Variants in GRK5 observed in about 807,000 individuals in gnomAD.
GRK5 encodes G protein-coupled receptor kinase 5.
In GRK5, 40 loss-of-function variants were observed where a neutral mutation model predicts 78.4. That is an observed-to-expected ratio of 0.51 (90% CI 0.40 to 0.66). The LOEUF (loss-of-function observed/expected upper bound fraction) is 0.66. Ranked by LOEUF, GRK5 falls within the 30% of genes least tolerant of loss-of-function variation. The pLI, the probability that GRK5 is intolerant of heterozygous loss-of-function variation, is 0.00. For missense variants in GRK5, 598 were observed against 759.9 expected, an observed-to-expected ratio of 0.79 and a Z score of 2.50; for synonymous variants, 289 against 296.8, an observed-to-expected ratio of 0.97 and a Z score of 0.27.
chr10:119,268,758 A>G lies in GRK5; in HGVS notation c.53-57758A>G, dbSNP rs187031673. Among the ~76,000 whole-genome samples, 378 of 152,368 alleles carry G rather than the reference A, an allele frequency of 2.5e-3. 4 individuals are homozygous for G. The highest frequency in any genetic ancestry group is 8.8e-3 in the African/African-American group (367 of 41,594). ...CTCGTCATCTCAGGACACTGAGGAA[A>G]GGCTGAGCTAGTAATGAATAGGGTT... On this transcript the variant is annotated intron_variant, in intron 1 of 15. Coordinates refer to ENST00000392870, the MANE Select transcript of GRK5 (RefSeq NM_005308.3).
At chr10:119,376,220 C>T (rs1851618096) in intron 2 of GRK5, among the ~76,000 whole-genome samples, 1 of 152,132 alleles carries the variant, frequency 6.6e-6, no homozygotes, top group South Asian at 2.1e-4. Flanking sequence ...CTTTCTAGAC[C>T]CTTCCCCTTT....
At chr10:119,245,769 G>C (rs886118467) in intron 1 of GRK5, among the ~76,000 whole-genome samples, 2 of 152,110 alleles carry the variant, frequency 1.3e-5, no homozygotes, top group Admixed American at 6.5e-5. Flanking sequence ...TGTAATCCCA[G>C]CACTTTGGGA....
rs114248425 is a variant in GRK5, at chr10:119,250,152, T to C, written c.52+42183T>C. Among the ~76,000 whole-genome samples, 253 of 152,308 alleles carry C rather than the reference T, an allele frequency of 1.7e-3. 2 individuals are homozygous for C. Among genetic ancestry groups the C allele is most frequent in the African/African-American group, 5.8e-3 (241 of 41,548 alleles). On this transcript the variant is annotated intron_variant, in intron 1 of 15. Coordinates refer to ENST00000392870, the MANE Select transcript of GRK5 (RefSeq NM_005308.3). Reference sequence around the variant, plus strand: ...CCCTGGAAAGCCTTCAGTCAGAACATGCTCATTGTTTGTTGAGTGAGAGTC... The same window carrying C: ...CCCTGGAAAGCCTTCAGTCAGAACACGCTCATTGTTTGTTGAGTGAGAGTC...
In GRK5 at chr10:119,278,114, C is replaced by T. The variant is rs138239313; in HGVS notation, c.53-48402C>T. Among the ~76,000 whole-genome samples, 187 of 152,304 alleles carry T rather than the reference C, an allele frequency of 1.2e-3. 4 individuals are homozygous for T. The South Asian group carries it at 0.024, about 20-fold the overall frequency. ...TAGGTTTAACTTTTCCAGAAATTGA[C>T]AACCTGTTTTCCAAAGTGGTTATTC... On this transcript the variant is annotated intron_variant, in intron 1 of 15. Coordinates refer to ENST00000392870, the MANE Select transcript of GRK5 (RefSeq NM_005308.3).
At chr10:119,376,145 C>T (rs1589772060) in intron 2 of GRK5, among the ~76,000 whole-genome samples, 2 of 152,304 alleles carry the variant, frequency 1.3e-5, no homozygotes, top group African/African-American at 4.8e-5. Context: ...GTAGGCCTAG[C>T]CCCTCCCAGG....
At chr10:119,321,720 C>T (rs892319101) in intron 1 of GRK5, among the ~76,000 whole-genome samples, 4 of 152,276 alleles carry the variant, frequency 2.6e-5, no homozygotes, top group East Asian at 1.9e-4. Flanking sequence ...TCCCTGAGGG[C>T]GTTATCCTGC....
intron 1 of GRK5, among the ~76,000 whole-genome samples, chr10:119,314,028 A>T (rs1318083771): frequency 6.6e-6 from 1 of 152,218 alleles, no homozygotes; most frequent in Non-Finnish European, 1.5e-5. Flanking sequence ...AGACACTCAT[A>T]GCTGAGAACT....
chr10:119,311,554 A>G (rs1850359754), intron 1 of GRK5, among the ~76,000 whole-genome samples: 1 of 152,210 alleles, frequency 6.6e-6, no homozygotes, highest in Admixed American at 6.5e-5. Flanking sequence ...TGGGAGGCCA[A>G]GGCAGGTGGA....
At chr10:119,209,704 G>A (rs1333057781) in intron 1 of GRK5, among the ~76,000 whole-genome samples, 1 of 151,746 alleles carries the variant, frequency 6.6e-6, no homozygotes, top group South Asian at 2.1e-4. Context: ...CGGGGGCTGG[G>A]AAAGTTTTCA....
rs565882323 is a variant in GRK5 at position 119,291,196 on chromosome 10, G to T, written c.53-35320G>T. Among the ~76,000 whole-genome samples the T allele has an allele frequency of 1.8e-4, 27 of 152,268 alleles. No homozygotes were observed. The South Asian group carries it at 5.6e-3, about 32-fold the overall frequency. On this transcript the variant is annotated intron_variant, in intron 1 of 15. Coordinates refer to ENST00000392870, the MANE Select transcript of GRK5 (RefSeq NM_005308.3). ...TTTTTCTCCATGATCTTCATGTTTC[G>T]TGTAGACTGATCCCTTCTACTTTCT...
At chr10:119,432,984 T>A (rs534217409) in intron 8 of GRK5, among the ~76,000 whole-genome samples, 43 of 152,266 alleles carry the variant, frequency 2.8e-4, no homozygotes, top group Middle Eastern at 6.8e-3. Context: ...GGCATGAGAA[T>A]CACTTGAACC....
intron 4 of GRK5, among the ~76,000 whole-genome samples, chr10:119,415,473 T>A (rs556689397): frequency 6.6e-6 from 1 of 152,246 alleles, no homozygotes; most frequent in East Asian, 1.9e-4. Context: ...CCGCTGATGC[T>A]GTGTGGTGCA....
At chr10:119,230,612 A>C (rs1286471063) in intron 1 of GRK5, among the ~76,000 whole-genome samples, 1 of 151,978 alleles carries the variant, frequency 6.6e-6, no homozygotes, top group East Asian at 1.9e-4. Flanking sequence ...CTCCCACAAC[A>C]TGTGGGAATT....
chr10:119,207,824 A>C lies in GRK5; in HGVS notation c.-94A>C. The C allele has an allele frequency of 2.5e-6, 3 of 1,221,610 alleles. No individual in the cohort carries two copies. The highest frequency in any genetic ancestry group is 3.4e-6 in the Non-Finnish European group (3 of 880,384). 75.7% of individuals were successfully genotyped at this position (1,221,610 alleles called of 1,614,324 possible). A position where few individuals can be genotyped will look rare whatever the true frequency, so the allele number is the denominator to read the frequency against. ...TGCTGGCTCCCCCGGCTCCGGCAGC[A>C]GCGGCGGCAGCCCGAGCAGCGGCAG... On this transcript the variant is annotated 5_prime_UTR_variant, in exon 1 of 16. Coordinates refer to ENST00000392870, the MANE Select transcript of GRK5 (RefSeq NM_005308.3).
intron 2 of GRK5, among the ~76,000 whole-genome samples, chr10:119,355,776 C>G (rs1161286204): frequency 4.4e-5 from 6 of 137,354 alleles, no homozygotes; most frequent in Non-Finnish European, 8.2e-5. Context: ...GAGCAAGACT[C>G]TATCACAACA....
intron 1 of GRK5, among the ~76,000 whole-genome samples, chr10:119,236,465 T>C (rs1261469091): frequency 3.3e-5 from 5 of 152,120 alleles, no homozygotes; most frequent in Non-Finnish European, 5.9e-5. Flanking sequence ...CCGCCCGCCT[T>C]GGCCTCCCAA....
chr10:119,290,989 G>A (rs1054511574), intron 1 of GRK5, among the ~76,000 whole-genome samples: 1 of 152,092 alleles, frequency 6.6e-6, no homozygotes, highest in African/African-American at 2.4e-5. Flanking sequence ...GGAGGATTGT[G>A]GGAGAACAGG....
At chr10:119,363,707 G>A (rs2133812653) in intron 2 of GRK5, among the ~76,000 whole-genome samples, 1 of 152,334 alleles carries the variant, frequency 6.6e-6, no homozygotes, top group African/African-American at 2.4e-5. Context: ...GAAGCTGGGA[G>A]GGGAAGAAGG....
chr10:119,303,864 C>T (rs898253962), intron 1 of GRK5, among the ~76,000 whole-genome samples: 1 of 151,994 alleles, frequency 6.6e-6, no homozygotes, highest in Non-Finnish European at 1.5e-5. Context: ...TGAAGGACCC[C>T]AGCCGTCCCT....
Sources: gnomAD v4.1 joint callset for allele counts (sites outside exome capture counted in the v4.1 genomes callset) on GRCh38, gnomAD v4.1.1 for gene constraint, MANE v1.5 for transcripts, NCBI Gene and HGNC (gene_info 2026-07-23, HGNC 2026-07-21) for gene names.